Variants in PPP1R3F observed in about 807,000 individuals in gnomAD.
The protein encoded by PPP1R3F is protein phosphatase 1 regulatory subunit 3F.
Under a neutral mutation model 24.2 loss-of-function variants are expected in PPP1R3F, and 29 were observed. That is an observed-to-expected ratio of 1.20 (90% confidence interval 0.89 to 1.63). PPP1R3F has a LOEUF of 1.63. Among genes scored for constraint, PPP1R3F ranks in the 40% most tolerant of loss-of-function variants. The probability of loss-of-function intolerance (pLI) is 0.00; values close to 1 mark genes in which losing one functional copy is unlikely to be tolerated. For missense variants in PPP1R3F, 823 were observed against 729.3 expected (o/e 1.13, Z -1.48); for synonymous variants, 363 against 340.1 (o/e 1.07, Z -0.74).
intron 1 of PPP1R3F, chrX:49,275,157 T>C (rs1569530463): frequency 1.8e-5 from 2 of 111,432 alleles, no homozygotes; most frequent in Non-Finnish European, 3.8e-5. Context: ...TGTACTTGCC[T>C]TCTGCACTTG....
intron 3 of PPP1R3F, among the ~76,000 whole-genome samples, chrX:49,283,005 GGTGTGT>G (rs58808853): frequency 2.0e-4 from 19 of 92,754 alleles, no homozygotes; most frequent in East Asian, 7.1e-4. Flanking sequence ...CATTTTGGAG[GGTGTGT>G]GTGTGTGTGT....
chrX:49,285,760 C>A (rs1350738452), intron 3 of PPP1R3F, 74 bp from the exon 4 acceptor site: 22 of 1,028,898 alleles, frequency 2.1e-5, no homozygotes, highest in Non-Finnish European at 2.7e-5. Flanking sequence ...CTTACTGTCT[C>A]TGCTTGTTCC....
rs782675274 is a variant in PPP1R3F, at chrX:49,270,671, C to T, written c.802C>T (p.Pro268Ser). The part of the protein sequence containing the change: ...RLDFVVRYET[P>S]EGTFWANNHG... ...CGACTTCGTGGTGCGCTATGAGACC[C>T]CTGAGGGCACTTTCTGGGCCAACAA... Residue 268 changes from proline (P) to serine (S), a missense_variant, in exon 1 of 4, where the codon CCT becomes TCT. Transcript: ENST00000055335. 19 of 1,208,404 alleles carry T rather than the reference C, an allele frequency of 1.6e-5. No homozygotes were observed. The highest frequency in any genetic ancestry group is 7.1e-5 in the South Asian group (4 of 56,611).
At position 49,298,716 on chromosome X, in the gene PPP1R3F, T is replaced by G. The variant is rs781962742; in HGVS notation, c.393-2635T>G. Among the ~76,000 whole-genome samples the G allele has an allele frequency of 3.2e-4, 36 of 111,198 alleles. No individual in the cohort carries two copies. The South Asian group carries it at 0.013, about 41-fold the overall frequency. On this transcript the variant is annotated intron_variant, in intron 3 of 3. Coordinates refer to the PPP1R3F transcript ENST00000471261. ...CTTGGAGGCTTTGTTCGTTCCTTTT[T>G]ATTCTAATCTTGTTTTCATGCTTTA...
intron 1 of PPP1R3F, among the ~76,000 whole-genome samples, chrX:49,271,118 A>G (rs1557119253): frequency 8.9e-6 from 1 of 112,058 alleles, no homozygotes; most frequent in South Asian, 3.7e-4. Flanking sequence ...CCCTACCCTC[A>G]AGGATTCATA....
chrX:49,298,860 G>A (rs1482799919), intron 3 of PPP1R3F, among the ~76,000 whole-genome samples: 3 of 110,222 alleles, frequency 2.7e-5, no homozygotes, highest in Non-Finnish European at 3.8e-5. Context: ...CTATCTGGTC[G>A]TTTATGTTCT....
downstream of PPP1R3F, among the ~76,000 whole-genome samples, chrX:49,292,610 C>T (rs2066312142): frequency 8.8e-6 from 1 of 113,009 alleles, no homozygotes; most frequent in East Asian, 2.8e-4. Flanking sequence ...TCTCCCAGGG[C>T]CTGAACGCCG....
At chrX:49,271,175 T>G (rs1333993803) in intron 1 of PPP1R3F, among the ~76,000 whole-genome samples, 2 of 111,039 alleles carry the variant, frequency 1.8e-5, no homozygotes, top group African/African-American at 6.6e-5. Flanking sequence ...AGCAAGCAGA[T>G]AGGATAAATA....
At chrX:49,281,941 A>T (rs1463598777) in intron 2 of PPP1R3F, 40 bp from the exon 3 acceptor site, 2 of 1,015,125 alleles carry the variant, frequency 2.0e-6, no homozygotes, top group South Asian at 3.9e-5. Context: ...ACCTACTTGT[A>T]TGCCTGTCTT....
chrX:49,273,070 A>G lies in PPP1R3F; in HGVS notation c.1004+2197A>G, dbSNP rs1246410858. Reference sequence around the variant, plus strand: ...TTTTGCTTTATCGAGGTATACCTACATAAAGTGTACTGATATTCTGTGTAT... The same window carrying G: ...TTTTGCTTTATCGAGGTATACCTACGTAAAGTGTACTGATATTCTGTGTAT... On this transcript the variant is annotated intron_variant, in intron 1 of 3. Transcript: ENST00000055335. 4 of 103,703 alleles carry G rather than the reference A, an allele frequency of 3.9e-5. No individual in the cohort carries two copies. The Admixed American group carries it at 4.2e-4, about 11-fold the overall frequency. The allele number at this position is 103,703 out of a possible 1,213,427, so 8.5% of individuals were successfully genotyped here. A position where few individuals can be genotyped will look rare whatever the true frequency, so the allele number is the denominator to read the frequency against.
chrX:49,284,872 GC>G (rs2066271986), intron 3 of PPP1R3F, among the ~76,000 whole-genome samples: 1 of 111,024 alleles, frequency 9.0e-6, no homozygotes. Context: ...GCATTCAAAG[GC>G]CAAGATTTGG....
rs782685942 is a variant in PPP1R3F at position 49,286,864 on chromosome X, G to A, written c.2174G>A (p.Ser725Asn). ...CLSSVARPHV[S>N]SQDEKDAGPS... ...TCTAGTGTAGCCAGGCCTCATGTGA[G>A]CTCCCAGGATGAAAAGGATGCAGGC... The change falls in exon 4 of 4, where the codon AGC becomes AAC. Residue 725 changes from serine to asparagine, a missense_variant. Physicochemically the swap from Ser to Asn is conservative, Grantham distance 46 (BLOSUM62 1). Transcript: ENST00000055335. 1 of 1,190,498 alleles carries A rather than the reference G, an allele frequency of 8.4e-7. No homozygotes were observed. The highest frequency in any genetic ancestry group is 1.8e-5 in the African/African-American group (1 of 56,870).
At chrX:49,282,164 C>G (rs2066253186) in intron 3 of PPP1R3F, 101 bp downstream of exon 3, 1 of 609,025 alleles carries the variant, frequency 1.6e-6, no homozygotes, top group Non-Finnish European at 2.6e-6. Flanking sequence ...TCTGGGTCCT[C>G]CCTGGGTTGG....
In PPP1R3F at chrX:49,297,082, G is replaced by A. The variant is rs193049609; in HGVS notation, c.393-4269G>A. ...TCCTGGATATCCTTGTTAATTTTCT[G>A]TCTCACTGATCTGTCTAATATTGCC... On this transcript the variant is annotated intron_variant, in intron 3 of 3. Coordinates refer to the PPP1R3F transcript ENST00000471261. Among the ~76,000 whole-genome samples the A allele has an allele frequency of 2.7e-5, 3 of 110,866 alleles. No individual in the cohort carries two copies. In the East Asian group the frequency reaches 8.4e-4, roughly 31 times the overall value.
Position 49,269,932 on chromosome X carries a change from G to A in PPP1R3F, c.63G>A (p.Ala21=). The A allele has an allele frequency of 1.1e-6, 1 of 904,545 alleles. No homozygotes were observed. The highest frequency in any genetic ancestry group is 1.4e-6 in the Non-Finnish European group (1 of 734,859). 74.5% of individuals were successfully genotyped at this position (904,545 alleles called of 1,213,427 possible). Residue 21 remains alanine (A), a synonymous_variant, in exon 1 of 4, where the codon GCG becomes GCA. Transcript: ENST00000055335. ...ATTCCGCGCCCCCCTCGCCGGCCGC[G>A]GGTGAGCCCCGCACCTCGGTCGAGG... ...LRHSAPPSPA[A]GEPRTSVEAA...
chrX:49,278,635 G>A (rs1255839930), intron 1 of PPP1R3F, among the ~76,000 whole-genome samples: 1 of 111,903 alleles, frequency 8.9e-6, no homozygotes, highest in Non-Finnish European at 1.9e-5. Flanking sequence ...AAAGACAGAC[G>A]GTCCCTTCTA....
chrX:49,269,822 C>T lies in PPP1R3F; in HGVS notation c.-48C>T. On this transcript the variant is annotated 5_prime_UTR_variant, in exon 1 of 4. Coordinates refer to ENST00000055335, the MANE Select transcript of PPP1R3F (RefSeq NM_033215.5). ...GCTGCCCGCCCCTTCAGGCCCTGCC[C>T]CCGCCGGTCCCGCCGCCGGTGCCGT... The T allele has an allele frequency of 1.2e-6, 1 of 815,752 alleles. No homozygotes were observed. 67.2% of individuals were successfully genotyped at this position (815,752 alleles called of 1,213,427 possible). A position where few individuals can be genotyped will look rare whatever the true frequency, so the allele number is the denominator to read the frequency against.
At chrX:49,300,585 G>T (rs1325959918) in intron 3 of PPP1R3F, among the ~76,000 whole-genome samples, 1 of 103,495 alleles carries the variant, frequency 9.7e-6, no homozygotes, top group Non-Finnish European at 1.9e-5. Context: ...TGACTCCCAG[G>T]CTCAAGCGAT....
At chrX:49,294,939 T>C (rs2066319020) in intron 3 of PPP1R3F, among the ~76,000 whole-genome samples, 1 of 102,290 alleles carries the variant, frequency 9.8e-6, no homozygotes, top group South Asian at 4.4e-4. Context: ...TGATCTAAGC[T>C]GTAGGTTTTT....
Sources: allele counts gnomAD v4.1 joint callset (sites outside exome capture counted in the v4.1 genomes callset), GRCh38; gene constraint gnomAD v4.1.1; transcripts MANE v1.5; gene names NCBI Gene and HGNC (gene_info 2026-07-23, HGNC 2026-07-21).